Variants in DGKB observed in about 807,000 individuals in gnomAD.
DGKB encodes 90 kDa diacylglycerol kinase.
Under a neutral mutation model 114.3 loss-of-function variants are expected in DGKB, and 67 were observed. That is an observed-to-expected ratio of 0.59 (90% CI 0.48 to 0.72). The LOEUF is 0.72. Ranked by LOEUF, DGKB falls within the 30% of genes least tolerant of loss-of-function variation. The pLI is 0.00. For synonymous variants in DGKB, 398 were observed against 323.1 expected, an observed-to-expected ratio of 1.23 and a Z score of -2.49; for missense variants, 907 against 975.2, an observed-to-expected ratio of 0.93 and a Z score of 0.93.
At chr7:14,935,840 A>T (rs17372301) in intron 1 of DGKB, among the ~76,000 whole-genome samples, 21,687 of 152,000 alleles carry the variant, frequency 0.14, 1,636 homozygotes, top group Admixed American at 0.2. Context: ...TCTCAAAACA[A>T]GTCATCCTAG....
At chr7:14,914,303 A>G (rs1167378267) in intron 1 of DGKB, among the ~76,000 whole-genome samples, 1 of 152,130 alleles carries the variant, frequency 6.6e-6, no homozygotes, top group Non-Finnish European at 1.5e-5. Flanking sequence ...ATCCACTAAG[A>G]AAACTGAGAT....
In DGKB at chr7:14,392,995, G is replaced by GTTTTTGTTTT; in HGVS notation, c.1836-47605_1836-47604insAAAACAAAAA. On this transcript the variant is annotated intron_variant, in intron 21 of 25. Coordinates refer to ENST00000402815, the MANE Select transcript of DGKB (RefSeq NM_001350709.2). The stretch of plus-strand genomic sequence containing the variant: ...CAAAACAGACCTGTTTTTTGTTTTT[G>GTTTTTGTTTT]TTTTTTTTTTTTTGAGACGGAGTCT... Among the ~76,000 whole-genome samples, 70 of 60,408 alleles carry GTTTTTGTTTT rather than the reference G, an allele frequency of 1.2e-3. 8 individuals are homozygous for GTTTTTGTTTT. Among genetic ancestry groups the GTTTTTGTTTT allele is most frequent in the South Asian group, 2.5e-3 (3 of 1,208 alleles). The allele number at this position is 60,408 out of a possible 152,430, so 39.6% of individuals were successfully genotyped here. A position where few individuals can be genotyped will look rare whatever the true frequency, so the allele number is the denominator to read the frequency against.
intron 23 of DGKB, among the ~76,000 whole-genome samples, chr7:14,236,842 G>A (rs1015908126): frequency 1.5e-4 from 23 of 151,712 alleles, no homozygotes; most frequent in African/African-American, 2.7e-4. Context: ...GAAAACAGTC[G>A]TGTAGACCCC....
At chr7:14,769,674 G>A (rs1837124048) in intron 2 of DGKB, among the ~76,000 whole-genome samples, 1 of 152,022 alleles carries the variant, frequency 6.6e-6, no homozygotes, top group South Asian at 2.1e-4. Context: ...AATTCTGGAG[G>A]CCAGAGGTCT....
At chr7:14,599,779 T>C (rs73059468) in intron 17 of DGKB, among the ~76,000 whole-genome samples, 5 of 152,318 alleles carry the variant, frequency 3.3e-5, no homozygotes, top group Middle Eastern at 3.4e-3. Context: ...TTGAACCAAT[T>C]CATCTGCTAT....
chr7:14,681,434 A>AGT (rs1332815822), intron 12 of DGKB, among the ~76,000 whole-genome samples: 2 of 150,658 alleles, frequency 1.3e-5, no homozygotes, highest in South Asian at 2.1e-4. Context: ...TGTGTGTGTG[A>AGT]GTGTGTGTGT....
chr7:14,586,699 T>G (rs1324981557), intron 17 of DGKB, among the ~76,000 whole-genome samples: 1 of 152,056 alleles, frequency 6.6e-6, no homozygotes, highest in East Asian at 1.9e-4. Flanking sequence ...AAGCCAATGC[T>G]CATTTGCCAT....
rs1479225773 is a variant in DGKB at position 14,389,932 on chromosome 7, T to G, written c.1836-44541A>C. ...GGACTACATCCATCAGCAGCCCTTG[T>G]TAAAGTTAAAGGGTGAGGGCATCCC... is the stretch of plus-strand genomic sequence containing the variant. On this transcript the variant is annotated intron_variant, in intron 21 of 25. Coordinates refer to ENST00000402815, the MANE Select transcript of DGKB (RefSeq NM_001350709.2). Among the ~76,000 whole-genome samples the G allele has an allele frequency of 2.0e-5, 3 of 152,296 alleles. No individual in the cohort carries two copies. The East Asian group carries it at 5.8e-4, about 29-fold the overall frequency.
At chr7:14,679,699 A>G (rs1820499094) in intron 12 of DGKB, among the ~76,000 whole-genome samples, 1 of 152,036 alleles carries the variant, frequency 6.6e-6, no homozygotes. Flanking sequence ...CTTTCTGGAA[A>G]GTGTAAGAGC....
chr7:14,406,888 G>A lies in DGKB; in HGVS notation c.1836-61497C>T, dbSNP rs150200533. Among the ~76,000 whole-genome samples the A allele has an allele frequency of 1.8e-4, 28 of 152,176 alleles. No individual in the cohort carries two copies. In the East Asian group the frequency reaches 5.2e-3, roughly 28 times the overall value. On this transcript the variant is annotated intron_variant, in intron 21 of 25. Coordinates refer to ENST00000402815, the MANE Select transcript of DGKB (RefSeq NM_001350709.2). Reference sequence around the variant, plus strand: ...TAAATTGAGGGCTTGATCTATGTTTGGGGTTTTCAGAGAAGACATAGAAAT... The same window carrying A: ...TAAATTGAGGGCTTGATCTATGTTTAGGGTTTTCAGAGAAGACATAGAAAT...
intron 2 of DGKB, among the ~76,000 whole-genome samples, chr7:14,797,321 T>C (rs1480600371): frequency 6.6e-6 from 1 of 152,166 alleles, no homozygotes; most frequent in East Asian, 1.9e-4. Flanking sequence ...ACTTCCAAAA[T>C]ATTATAATGT....
intron 8 of DGKB, among the ~76,000 whole-genome samples, chr7:14,696,501 CAAAAAAAAAAAAAAAAA>C (rs35486620): frequency 4.4e-5 from 2 of 45,060 alleles, no homozygotes; most frequent in Non-Finnish European, 8.6e-5. Context: ...GACTCCGTCT[CAAAAAAAAAAAAAAAAA>C]AAAAAAAAAA....
chr7:14,763,251 A>G (rs1586310055), intron 2 of DGKB, among the ~76,000 whole-genome samples: 1 of 152,084 alleles, frequency 6.6e-6, no homozygotes, highest in African/African-American at 2.4e-5. Flanking sequence ...AAAATCTCTC[A>G]GGACCTCCTC....
intron 25 of DGKB, among the ~76,000 whole-genome samples, chr7:14,166,050 A>G (rs1170320165): frequency 3.3e-5 from 5 of 152,212 alleles, no homozygotes; most frequent in African/African-American, 1.2e-4. Flanking sequence ...TCTTTGTTTC[A>G]TGACCTTGGA....
intron 21 of DGKB, among the ~76,000 whole-genome samples, chr7:14,403,973 C>A (rs1203358340): frequency 6.6e-6 from 1 of 151,546 alleles, no homozygotes; most frequent in Non-Finnish European, 1.5e-5. Flanking sequence ...CCTTAGGCAC[C>A]AGAATAAAAC....
At chr7:14,456,856 AATGT>A (rs535717844) in intron 21 of DGKB, among the ~76,000 whole-genome samples, 1 of 152,220 alleles carries the variant, frequency 6.6e-6, no homozygotes, top group South Asian at 2.1e-4. Context: ...CAGGCAAATT[AATGT>A]ATCCTATCAG....
chr7:14,314,203 G>A (rs1202382405), intron 23 of DGKB, among the ~76,000 whole-genome samples: 1 of 152,094 alleles, frequency 6.6e-6, no homozygotes, highest in Non-Finnish European at 1.5e-5. Flanking sequence ...AGAAAAACTG[G>A]AAACTCTAAA....
intron 1 of DGKB, among the ~76,000 whole-genome samples, chr7:14,956,396 C>T (rs1786509046): frequency 6.6e-6 from 1 of 151,976 alleles, no homozygotes; most frequent in South Asian, 2.1e-4. Flanking sequence ...CAGCACATAA[C>T]TATGTGCTGC....
chr7:14,772,542 A>G (rs888263020), intron 2 of DGKB, among the ~76,000 whole-genome samples: 2 of 152,210 alleles, frequency 1.3e-5, no homozygotes, highest in African/African-American at 4.8e-5. Context: ...ATGAATTAGA[A>G]GAGAAAGCAT....
Sources: allele counts gnomAD v4.1 joint callset (sites outside exome capture counted in the v4.1 genomes callset), GRCh38; gene constraint gnomAD v4.1.1; transcripts MANE v1.5; gene names NCBI Gene and HGNC (gene_info 2026-07-23, HGNC 2026-07-21).